GALNT17: variants seen among roughly 807,000 people sequenced by gnomAD.
GALNT17 encodes the protein polypeptide N-acetylgalactosaminyltransferase 17.
A neutral mutation model predicts 63.7 loss-of-function variants in GALNT17; 29 were observed. That is an observed-to-expected ratio of 0.46 (90% CI 0.34 to 0.62). The LOEUF is 0.62. Among genes scored for constraint, GALNT17 ranks in the 20% least tolerant of loss-of-function variants. The probability of loss-of-function intolerance (pLI) is 0.01; values close to 1 mark genes in which losing one functional copy is unlikely to be tolerated. For missense variants in GALNT17, 603 were observed against 799.6 expected, an observed-to-expected ratio of 0.75 and a Z score of 2.97; for synonymous variants, 305 against 318.3, an observed-to-expected ratio of 0.96 and a Z score of 0.45.
intron 1 of GALNT17, among the ~76,000 whole-genome samples, chr7:71,139,800 C>G (rs1458476237): frequency 6.6e-6 from 1 of 152,102 alleles, no homozygotes; most frequent in Non-Finnish European, 1.5e-5. Flanking sequence ...CCAGACCAGC[C>G]TGGCCAACAT....
In GALNT17 at chr7:71,589,012, C is replaced by T. The variant is rs577814677; in HGVS notation, c.1080+17610C>T. On this transcript the variant is annotated intron_variant, in intron 6 of 10. Coordinates refer to ENST00000333538, the MANE Select transcript of GALNT17 (RefSeq NM_022479.3). ...AATACGGGGCCCTTAAAAAGCTAAA[C>T]GTGGGAAGTGAGTGTCAAGAAACAC... Among the ~76,000 whole-genome samples the T allele has an allele frequency of 1.1e-4, 16 of 152,154 alleles. No individual in the cohort carries two copies. In the South Asian group the frequency reaches 2.7e-3, roughly 26 times the overall value.
At chr7:71,455,422 T>A (rs1787336743) in intron 5 of GALNT17, among the ~76,000 whole-genome samples, 1 of 152,044 alleles carries the variant, frequency 6.6e-6, no homozygotes, top group South Asian at 2.1e-4. Context: ...CCAGGTGGGG[T>A]CCAGTCAGTC....
At chr7:71,403,366 T>C (rs1161804036) in intron 3 of GALNT17, among the ~76,000 whole-genome samples, 1 of 152,122 alleles carries the variant, frequency 6.6e-6, no homozygotes, top group African/African-American at 2.4e-5. Context: ...GCCCAGATAA[T>C]TGAGAAGTGT....
intron 5 of GALNT17, among the ~76,000 whole-genome samples, chr7:71,428,658 C>T (rs1420613960): frequency 2.0e-5 from 3 of 152,076 alleles, no homozygotes; most frequent in African/African-American, 7.2e-5. Flanking sequence ...AGGATGGTCT[C>T]GATCTCTTGA....
chr7:71,160,523 A>G (rs1489781525), intron 1 of GALNT17, among the ~76,000 whole-genome samples: 4 of 152,104 alleles, frequency 2.6e-5, no homozygotes, highest in Non-Finnish European at 4.4e-5. Context: ...CAATGGCACG[A>G]TCTCAGCTCA....
chr7:71,694,500 A>G (rs975154381), intron 9 of GALNT17, among the ~76,000 whole-genome samples: 3 of 151,924 alleles, frequency 2.0e-5, no homozygotes, highest in African/African-American at 7.3e-5. Flanking sequence ...GATTCAAGCA[A>G]TTCTCCTGCC....
intron 1 of GALNT17, among the ~76,000 whole-genome samples, chr7:71,205,158 T>C (rs1789248773): frequency 7.4e-6 from 1 of 134,256 alleles, no homozygotes; most frequent in African/African-American, 3.2e-5. Context: ...TTTACTTTTT[T>C]TTTTTTTTTT....
chr7:71,406,021 G>A (rs1223990161), intron 3 of GALNT17, among the ~76,000 whole-genome samples: 1 of 152,164 alleles, frequency 6.6e-6, no homozygotes, highest in Non-Finnish European at 1.5e-5. Flanking sequence ...GACCCAGTAA[G>A]TATGAAGACA....
intron 5 of GALNT17, among the ~76,000 whole-genome samples, chr7:71,472,211 C>T (rs908239432): frequency 2.6e-5 from 4 of 152,080 alleles, no homozygotes; most frequent in Non-Finnish European, 4.4e-5. Context: ...AGAACTCCAT[C>T]CTCATGACCT....
At chr7:71,241,828 G>A (rs1246779878) in intron 1 of GALNT17, among the ~76,000 whole-genome samples, 2 of 152,180 alleles carry the variant, frequency 1.3e-5, no homozygotes, top group Non-Finnish European at 2.9e-5. Context: ...GTTCTAGGCT[G>A]CAGTGAGCCA....
intron 8 of GALNT17, among the ~76,000 whole-genome samples, chr7:71,674,521 T>G (rs1791119049): frequency 2.0e-5 from 3 of 151,616 alleles, no homozygotes; most frequent in African/African-American, 4.8e-5. Context: ...CTAGACAACT[T>G]TTTCTTTTTT....
intron 6 of GALNT17, among the ~76,000 whole-genome samples, chr7:71,627,249 G>A (rs150175346): frequency 1.3e-5 from 2 of 152,234 alleles, no homozygotes; most frequent in African/African-American, 4.8e-5. Flanking sequence ...TGAGAAAGGG[G>A]CATTTCCCAA....
intron 1 of GALNT17, among the ~76,000 whole-genome samples, chr7:71,254,709 G>A (rs548223811): frequency 6.6e-6 from 1 of 152,068 alleles, no homozygotes; most frequent in Non-Finnish European, 1.5e-5. Flanking sequence ...CAGTTGGGGG[G>A]CTTAGATTTG....
chr7:71,400,141 C>T (rs1793213957), intron 3 of GALNT17, among the ~76,000 whole-genome samples: 1 of 152,030 alleles, frequency 6.6e-6, no homozygotes, highest in Non-Finnish European at 1.5e-5. Context: ...CTAATGCTCT[C>T]CCTCCCCTTG....
chr7:71,184,731 T>C (rs1285962660), intron 1 of GALNT17, among the ~76,000 whole-genome samples: 2 of 152,240 alleles, frequency 1.3e-5, no homozygotes, highest in African/African-American at 4.8e-5. Flanking sequence ...CATGTTACAT[T>C]AGCCCCTGTG....
intron 9 of GALNT17, among the ~76,000 whole-genome samples, chr7:71,691,977 T>C (rs1468442005): frequency 3.9e-5 from 6 of 152,018 alleles, no homozygotes; most frequent in African/African-American, 1.4e-4. Flanking sequence ...AGTGCCATAA[T>C]CAGAGCTCAC....
At chr7:71,443,593 A>T (rs1583958123) in intron 5 of GALNT17, among the ~76,000 whole-genome samples, 1 of 151,996 alleles carries the variant, frequency 6.6e-6, no homozygotes, top group Non-Finnish European at 1.5e-5. Flanking sequence ...CCCATCCTCC[A>T]CCTTCTGCCA....
chr7:71,449,629 G>C (rs1787222880), intron 5 of GALNT17, among the ~76,000 whole-genome samples: 1 of 151,976 alleles, frequency 6.6e-6, no homozygotes, highest in Non-Finnish European at 1.5e-5. Context: ...GACATTTTCT[G>C]TCTAATTTAC....
intron 5 of GALNT17, among the ~76,000 whole-genome samples, chr7:71,551,772 AAGAGAGAG>A (rs10557937): frequency 2.7e-5 from 3 of 111,094 alleles, no homozygotes; most frequent in African/African-American, 8.3e-5. Flanking sequence ...AAAAAAAAAA[AAGAGAGAG>A]AGAGAGAGCG....
Sources: gnomAD v4.1 joint callset for allele counts (sites outside exome capture counted in the v4.1 genomes callset) on GRCh38, gnomAD v4.1.1 for gene constraint, MANE v1.5 for transcripts, NCBI Gene and HGNC (gene_info 2026-07-23, HGNC 2026-07-21) for gene names.